The following PGM3 variants were observed in gnomAD, a reference collection of about 807,000 sequenced individuals.
PGM3 encodes phosphoacetylglucosamine mutase.
A neutral mutation model predicts 66.2 loss-of-function variants in PGM3; 40 were observed. That is an observed-to-expected ratio of 0.60 (90% CI 0.47 to 0.79). PGM3 has a LOEUF of 0.79. Among genes scored for constraint, PGM3 ranks in the 30% least tolerant of loss-of-function variants. The probability of loss-of-function intolerance (pLI) is 0.00; values close to 1 mark genes in which losing one functional copy is unlikely to be tolerated. For synonymous variants in PGM3, 191 were observed against 224.2 expected (o/e 0.85, Z 1.32); for missense variants, 537 against 643.4 (o/e 0.83, Z 1.79).
chr6:83,173,926 C>T (rs767248007), intron 10 of PGM3, among the ~76,000 whole-genome samples: 9 of 151,790 alleles, frequency 5.9e-5, no homozygotes, highest in Non-Finnish European at 8.8e-5. Context: ...TTAGTAGAGA[C>T]GAGGTTTCAC....
At chr6:83,169,374 A>G in intron 12 of PGM3, 51 bp from the exon 13 acceptor site, 1 of 1,602,362 alleles carries the variant, frequency 6.2e-7, no homozygotes. Flanking sequence ...GCATGTGTCT[A>G]ACATGGGCAA....
At chr6:83,176,140 C>T in intron 8 of PGM3, 80 bp from the exon 9 acceptor site, 1 of 783,740 alleles carries the variant, frequency 1.3e-6, no homozygotes, top group Non-Finnish European at 2.3e-6. Context: ...CCCAGAGATA[C>T]AAAGGGGAAC....
chr6:83,161,701 T>C (rs1409698793), downstream of PGM3, among the ~76,000 whole-genome samples: 4 of 152,202 alleles, frequency 2.6e-5, no homozygotes, highest in Non-Finnish European at 2.9e-5. Flanking sequence ...CTTTTACTTT[T>C]AGTAACAGAA....
chr6:83,189,235 CA>C (rs1435859140), intron 2 of PGM3, among the ~76,000 whole-genome samples: 1 of 152,160 alleles, frequency 6.6e-6, no homozygotes, highest in Non-Finnish European at 1.5e-5. Flanking sequence ...AGAATAAGGG[CA>C]CACAGAGATC....
chr6:83,169,482 A>G (rs1786614303), intron 12 of PGM3, 159 bp from the exon 13 acceptor site: 12 of 803,240 alleles, frequency 1.5e-5, no homozygotes, highest in Middle Eastern at 3.0e-4. Flanking sequence ...TTTCAGTAAC[A>G]AATTCCAAAG....
downstream of PGM3, among the ~76,000 whole-genome samples, chr6:83,156,653 T>C (rs1472180801): frequency 1.3e-5 from 2 of 152,190 alleles, no homozygotes; most frequent in African/African-American, 2.4e-5. Flanking sequence ...ACAGAATTAT[T>C]TGCTGCTCGA....
intron 4 of PGM3, among the ~76,000 whole-genome samples, chr6:83,184,122 G>A (rs528290474): frequency 2.0e-5 from 3 of 152,084 alleles, no homozygotes; most frequent in South Asian, 2.1e-4. Flanking sequence ...CCTCAAAAAC[G>A]TCCCATAATT....
At chr6:83,157,517 C>A (rs1235804922), downstream of PGM3, among the ~76,000 whole-genome samples, 1 of 152,144 alleles carries the variant, frequency 6.6e-6, no homozygotes, top group Non-Finnish European at 1.5e-5. Context: ...AAACATGCAA[C>A]ATAGATGGAT....
At chr6:83,159,085 A>C (rs1176153407), downstream of PGM3, among the ~76,000 whole-genome samples, 1 of 152,170 alleles carries the variant, frequency 6.6e-6, no homozygotes, top group Non-Finnish European at 1.5e-5. Flanking sequence ...CAAATTTATA[A>C]ATTGAAAAGT....
At chr6:83,175,022 G>C (rs1419395429) in intron 9 of PGM3, among the ~76,000 whole-genome samples, 1 of 152,106 alleles carries the variant, frequency 6.6e-6, no homozygotes, top group African/African-American at 2.4e-5. Flanking sequence ...ATCTCATTTG[G>C]AAATACTCAT....
chr6:83,173,797 C>T (rs1412615900), intron 10 of PGM3, among the ~76,000 whole-genome samples: 3 of 152,146 alleles, frequency 2.0e-5, no homozygotes, highest in South Asian at 2.1e-4. Context: ...AGTGCAGTGG[C>T]GTGATCTTGG....
rs758669509 is a variant in PGM3, at chr6:83,178,762, CAA to C, written c.946-8_946-7del. 1 of 1,498,930 alleles carries C rather than the reference CAA, an allele frequency of 6.7e-7. No individual in the cohort carries two copies. The highest frequency in any genetic ancestry group is 1.1e-5 in the South Asian group (1 of 88,696). 92.9% of individuals were successfully genotyped at this position (1,498,930 alleles called of 1,614,324 possible). A position where few individuals can be genotyped will look rare whatever the true frequency, so the allele number is the denominator to read the frequency against. On this transcript the variant is annotated splice_region_variant and splice_polypyrimidine_tract_variant and intron_variant, in intron 7 of 12. Coordinates refer to ENST00000513973, the MANE Select transcript of PGM3 (RefSeq NM_015599.3). Reference sequence around the variant, plus strand: ...ATATTCAAACTTTCTCCAATCTAGACAAAAACAATGATACTTAACTTGCCATC... The same window carrying C: ...ATATTCAAACTTTCTCCAATCTAGACAAACAATGATACTTAACTTGCCATC...
At chr6:83,149,929 T>G in the PGM3 span, among the ~76,000 whole-genome samples, 6 of 152,238 alleles carry the variant, frequency 3.9e-5, no homozygotes, top group African/African-American at 1.4e-4. Flanking sequence ...CTATGTTTGT[T>G]GACAATCTGG....
At position 83,188,678 on chromosome 6, in the gene PGM3, T is replaced by A. The variant is rs140499200; in HGVS notation, c.325A>T (p.Ile109Phe). The A allele has an allele frequency of 6.2e-5, 100 of 1,614,018 alleles. No homozygotes were observed. The African/African-American group carries it at 1.2e-3, about 20-fold the overall frequency. ...EQDMQRVLID[I>F]SEKEAVNLQQ... Reference sequence around the variant, plus strand: ...AGATTCACAGCTTCTTTCTCGCTGATGTCAATAAGCACTCTCTGCATATCT... The same window carrying A: ...AGATTCACAGCTTCTTTCTCGCTGAAGTCAATAAGCACTCTCTGCATATCT... The change falls in exon 3 of 13, where the codon ATC (isoleucine) becomes TTC (phenylalanine). Residue 109 changes from isoleucine (I) to phenylalanine (F), a missense_variant. By Grantham distance (21) the Ile-to-Phe change is conservative (BLOSUM62 0). Coordinates refer to ENST00000513973, the MANE Select transcript of PGM3 (RefSeq NM_015599.3).
In PGM3 at chr6:83,188,694, C is replaced by T; in HGVS notation, c.309G>A (p.Gln103=). ...TCTCGCTGATGTCAATAAGCACTCTCTGCATATCTTGTTCCTCAGCATTTG... is the reference window on the plus strand; with the variant it reads ...TCTCGCTGATGTCAATAAGCACTCTTTGCATATCTTGTTCCTCAGCATTTG... ...CLANAEEQDM[Q]RVLIDISEKE... Residue 103 remains glutamine (Q), a synonymous_variant, in exon 3 of 13, where the codon CAG becomes CAA. Transcript: ENST00000513973. 2 of 1,613,978 alleles carry T rather than the reference C, an allele frequency of 1.2e-6. No homozygotes were observed. The highest frequency in any genetic ancestry group is 1.7e-5 in the Admixed American group (1 of 60,032).
chr6:83,152,909 C>T, the PGM3 span, among the ~76,000 whole-genome samples: 1,060 of 152,240 alleles, frequency 7.0e-3, 6 homozygotes, highest in Non-Finnish European at 8.9e-3. Context: ...TGAGCCACCG[C>T]GCCCGGCCTG....
chr6:83,185,072 G>A (rs772326349), intron 4 of PGM3, among the ~76,000 whole-genome samples: 3 of 152,178 alleles, frequency 2.0e-5, no homozygotes, highest in Non-Finnish European at 4.4e-5. Context: ...TGGTTCTAGC[G>A]ACAGAATGAA....
rs1169768763 is a variant in PGM3 at position 83,169,361 on chromosome 6, A to G, written c.1540-38T>C. ...TTAAAAGAGATTAGATGAGAAAGACATAGCATGTGTCTAACATGGGCAAGA... is the reference window on the plus strand; with the variant it reads ...TTAAAAGAGATTAGATGAGAAAGACGTAGCATGTGTCTAACATGGGCAAGA... On this transcript the variant is annotated intron_variant, in intron 12 of 12. Transcript: ENST00000513973. 1.9e-6 allele frequency: 3 copies of G among 1,610,630 alleles called. No individual in the cohort carries two copies. The South Asian group carries it at 3.3e-5, about 18-fold the overall frequency.
At position 83,168,097 on chromosome 6, in the gene PGM3, C is replaced by A. The variant is rs778541213; in HGVS notation, c.*1137G>T. On this transcript the variant is annotated 3_prime_UTR_variant, in exon 13 of 13. Coordinates refer to ENST00000513973, the MANE Select transcript of PGM3 (RefSeq NM_015599.3). ...AAACTGGAGAACCACAAACCATGTT[C>A]CAGCAAAGCCAGGCAAAAAATAGAA... The A allele has an allele frequency of 2.0e-5, 33 of 1,613,920 alleles. No homozygotes were observed. Among genetic ancestry groups the A allele is most frequent in the Non-Finnish European group, 2.8e-5 (33 of 1,180,018 alleles).
Sources: allele counts gnomAD v4.1 joint callset (sites outside exome capture counted in the v4.1 genomes callset), GRCh38; gene constraint gnomAD v4.1.1; transcripts MANE v1.5; gene names NCBI Gene and HGNC (gene_info 2026-07-23, HGNC 2026-07-21).